Variants in GLP2R observed in about 807,000 individuals in gnomAD.
GLP2R encodes glucagon like peptide 2 receptor.
Under a neutral mutation model 68.2 loss-of-function variants are expected in GLP2R, and 59 were observed. The ratio of observed to expected loss-of-function variants is 0.87; its 90% CI spans 0.70 to 1.07. GLP2R has a LOEUF of 1.07. Among genes scored for constraint, GLP2R ranks in the 50% least tolerant of loss-of-function variants. GLP2R has a pLI of 0.00. For missense variants in GLP2R, 548 were observed against 677.4 expected (o/e 0.81, Z 2.12); for synonymous variants, 270 against 265.4 (o/e 1.02, Z -0.17).
Position 9,826,030 on chromosome 17 carries a change from G to C in GLP2R, c.-34G>C, listed in dbSNP as rs1382785384. The C allele has an allele frequency of 1.4e-5, 22 of 1,582,982 alleles. No individual in the cohort carries two copies. The highest frequency in any genetic ancestry group is 1.9e-5 in the Non-Finnish European group (22 of 1,161,610). On this transcript the variant is annotated 5_prime_UTR_variant, in exon 1 of 13. Coordinates refer to ENST00000262441, the MANE Select transcript of GLP2R (RefSeq NM_004246.3). ...GCGGTGCATCTTGGACGGCTAGAGA[G>C]ATGTACCCCTACTTGTGAAGGTGCA...
At chr17:9,846,447 C>A (rs546332216) in intron 4 of GLP2R, among the ~76,000 whole-genome samples, 1 of 152,194 alleles carries the variant, frequency 6.6e-6, no homozygotes, top group East Asian at 1.9e-4. Context: ...GAAACCCCAT[C>A]TCTAAAAAAT....
intron 4 of GLP2R, among the ~76,000 whole-genome samples, chr17:9,848,079 A>G (rs549295427): frequency 3.3e-5 from 5 of 152,240 alleles, no homozygotes; most frequent in Non-Finnish European, 7.3e-5. Flanking sequence ...GATTTGAGTT[A>G]ACAGAATCCT....
intron 1 of GLP2R, among the ~76,000 whole-genome samples, chr17:9,831,509 A>G (rs2152029396): frequency 6.6e-6 from 1 of 152,100 alleles, no homozygotes; most frequent in South Asian, 2.1e-4. Context: ...ACTCAGGGAG[A>G]TGAGTGGTTA....
rs1485203053 is a variant in GLP2R at position 9,861,087 on chromosome 17, G to A, written c.926-52G>A. 4 of 1,322,950 alleles carry A rather than the reference G, an allele frequency of 3.0e-6. No homozygotes were observed. In the Admixed American group the frequency reaches 5.0e-5, roughly 17 times the overall value. The allele number at this position is 1,322,950 out of a possible 1,614,324, so 82.0% of individuals were successfully genotyped here. A position where few individuals can be genotyped will look rare whatever the true frequency, so the allele number is the denominator to read the frequency against. On this transcript the variant is annotated intron_variant, in intron 7 of 12. Transcript: ENST00000262441. ...CCTCATCCGCTGTGGTGGGAGGCAA[G>A]CAGGTTTGGCCAACCAACTCCTAAC...
Position 9,880,460 on chromosome 17 carries a change from G to T in GLP2R, c.1228G>T (p.Glu410Ter). 6.2e-7 allele frequency: 1 copy of T among 1,604,114 alleles called. No individual in the cohort carries two copies. The highest frequency in any genetic ancestry group is 8.5e-7 in the Non-Finnish European group (1 of 1,172,606). Reference sequence around the variant, plus strand: ...CTCTTTCATCACTGATGATCAAGTTGAAGGATTTGCAAAACTTATACGACT... The same window carrying T: ...CTCTTTCATCACTGATGATCAAGTTTAAGGATTTGCAAAACTTATACGACT... ...LFSFITDDQV[E>*]GFAKLIRLFI... is the part of the protein sequence containing the mutation. Residue 410 changes from glutamate to a stop codon, truncating the protein, a stop_gained, in exon 11 of 13, where the codon GAA becomes TAA. Coordinates refer to ENST00000262441, the MANE Select transcript of GLP2R (RefSeq NM_004246.3). LOFTEE classifies it high-confidence loss of function.
intron 3 of GLP2R, among the ~76,000 whole-genome samples, chr17:9,837,976 G>C (rs914924503): frequency 6.6e-6 from 1 of 152,130 alleles, no homozygotes; most frequent in Non-Finnish European, 1.5e-5. Flanking sequence ...GAGAGAGAGT[G>C]TTTAGAAGGA....
intron 10 of GLP2R, among the ~76,000 whole-genome samples, chr17:9,876,809 T>A (rs1437774478): frequency 6.6e-6 from 1 of 152,140 alleles, no homozygotes; most frequent in Non-Finnish European, 1.5e-5. Flanking sequence ...TCAAGGAAAA[T>A]TCGTTTAAAA....
intron 10 of GLP2R, among the ~76,000 whole-genome samples, chr17:9,875,195 C>T (rs568158754): frequency 7.9e-5 from 12 of 152,342 alleles, no homozygotes; most frequent in African/African-American, 2.9e-4. Context: ...TAGAAAGCCT[C>T]GCTAATTCTC....
chr17:9,853,294 C>T, intron 4 of GLP2R: 1 of 264,916 alleles, frequency 3.8e-6, no homozygotes, highest in Non-Finnish European at 7.4e-6. Flanking sequence ...TGTCCATCTC[C>T]ATCGAGTCCT....
chr17:9,837,328 GT>G (rs1281393706), intron 3 of GLP2R, among the ~76,000 whole-genome samples: 2 of 152,102 alleles, frequency 1.3e-5, no homozygotes, highest in African/African-American at 2.4e-5. Flanking sequence ...GAGTTCAATT[GT>G]TTTGATTTTT....
Position 9,826,037 on chromosome 17 carries a change from C to A in GLP2R, c.-27C>A. 6.3e-7 allele frequency: 1 copy of A among 1,596,366 alleles called. No homozygotes were observed. Among genetic ancestry groups the A allele is most frequent in the South Asian group, 1.1e-5 (1 of 88,850 alleles). ...ATCTTGGACGGCTAGAGAGATGTACCCCTACTTGTGAAGGTGCACGAGGAA... is the reference window on the plus strand; with the variant it reads ...ATCTTGGACGGCTAGAGAGATGTACACCTACTTGTGAAGGTGCACGAGGAA... On this transcript the variant is annotated 5_prime_UTR_variant, in exon 1 of 13. Transcript: ENST00000262441.
At chr17:9,837,141 A>G (rs1169988407) in intron 3 of GLP2R, among the ~76,000 whole-genome samples, 1 of 152,088 alleles carries the variant, frequency 6.6e-6, no homozygotes, top group Non-Finnish European at 1.5e-5. Context: ...AGGCGTGAGC[A>G]CTGCGCCTGG....
chr17:9,874,646 G>A (rs2067128179), intron 10 of GLP2R, among the ~76,000 whole-genome samples: 1 of 152,162 alleles, frequency 6.6e-6, no homozygotes, highest in Admixed American at 6.5e-5. Context: ...TTGGGAGGCT[G>A]ACTGACCCCA....
At chr17:9,868,490 C>T (rs1487884234) in intron 9 of GLP2R, among the ~76,000 whole-genome samples, 2 of 152,158 alleles carry the variant, frequency 1.3e-5, no homozygotes, top group Non-Finnish European at 2.9e-5. Flanking sequence ...GTCCTTAGCA[C>T]CCACCCCCAT....
chr17:9,828,857 G>C (rs568696488), intron 1 of GLP2R, among the ~76,000 whole-genome samples: 1 of 152,302 alleles, frequency 6.6e-6, no homozygotes, highest in Admixed American at 6.5e-5. Flanking sequence ...TCTGCTGGCA[G>C]TGTCTGCTTC....
chr17:9,845,903 CTGAT>C (rs1278164332), intron 4 of GLP2R, among the ~76,000 whole-genome samples: 3 of 152,084 alleles, frequency 2.0e-5, no homozygotes, highest in African/African-American at 7.2e-5. Context: ...GTAGAGGTCT[CTGAT>C]TAATTTTTGT....
intron 11 of GLP2R, among the ~76,000 whole-genome samples, chr17:9,883,916 A>G (rs2067219006): frequency 6.6e-6 from 1 of 152,228 alleles, no homozygotes; most frequent in Admixed American, 6.5e-5. Context: ...CCACATGAAG[A>G]AATAAAAAAC....
intron 4 of GLP2R, among the ~76,000 whole-genome samples, chr17:9,851,498 G>A (rs375833222): frequency 1.1e-4 from 16 of 152,294 alleles, no homozygotes; most frequent in African/African-American, 3.8e-4. Flanking sequence ...GTTTGTGCTG[G>A]TCTTAGAGGG....
intron 3 of GLP2R, among the ~76,000 whole-genome samples, 186 bp from the exon 4 acceptor site, chr17:9,842,309 G>A (rs77230716): frequency 0.028 from 4,212 of 152,260 alleles, 157 homozygotes; most frequent in African/African-American, 0.095. Flanking sequence ...AGACCATGGT[G>A]TGTTACAAAA....
Sources: allele counts gnomAD v4.1 joint callset (sites outside exome capture counted in the v4.1 genomes callset), GRCh38; gene constraint gnomAD v4.1.1; transcripts MANE v1.5; gene names NCBI Gene and HGNC (gene_info 2026-07-23, HGNC 2026-07-21).